The following FAR1 variants were observed in gnomAD, a reference collection of about 807,000 sequenced individuals.
FAR1 encodes fatty acyl-CoA reductase 1.
In FAR1, 22 loss-of-function variants were observed where a neutral mutation model predicts 61.1. The observed-to-expected ratio is 0.36, with a 90% confidence interval of 0.26 to 0.51. FAR1 has a LOEUF of 0.51. Ranked by LOEUF, FAR1 falls within the 20% of genes least tolerant of loss-of-function variation. The pLI is 0.95. For synonymous variants in FAR1, 206 were observed against 209.7 expected (o/e 0.98, Z 0.15); for missense variants, 359 against 626.9 (o/e 0.57, Z 4.56).
At chr11:13,718,721 T>C (rs1374550602) in intron 9 of FAR1, among the ~76,000 whole-genome samples, 1 of 152,104 alleles carries the variant, frequency 6.6e-6, no homozygotes, top group African/African-American at 2.4e-5. Context: ...TATCTGTGGG[T>C]CAGGAATTCT....
At chr11:13,698,858 G>A (rs1365904218) in intron 2 of FAR1, among the ~76,000 whole-genome samples, 3 of 151,880 alleles carry the variant, frequency 2.0e-5, no homozygotes, top group African/African-American at 7.3e-5. Context: ...TTTATCAGTA[G>A]TTCACCATGA....
intron 3 of FAR1, among the ~76,000 whole-genome samples, chr11:13,702,162 G>T (rs968889341): frequency 4.6e-5 from 7 of 152,040 alleles, no homozygotes; most frequent in African/African-American, 1.7e-4. Flanking sequence ...ATGATTCAAA[G>T]GTGACAAAAG....
At chr11:13,716,856 T>G (rs1245567954) in intron 9 of FAR1, among the ~76,000 whole-genome samples, 2 of 152,088 alleles carry the variant, frequency 1.3e-5, no homozygotes, top group African/African-American at 4.8e-5. Context: ...ATTTGTTACA[T>G]ATGTATACTT....
rs995133980 is a variant in FAR1, at chr11:13,720,490, G to A, written c.1128-1240G>A. 6 of 151,998 alleles carry A rather than the reference G, an allele frequency of 3.9e-5. No homozygotes were observed. The East Asian group carries it at 1.2e-3, about 29-fold the overall frequency. 9.4% of individuals were successfully genotyped at this position (151,998 alleles called of 1,614,324 possible). ...TTAGATGCTTGATAATTCGTTTTGT[G>A]TTTGAGATTTTATTTTGAAGTTACT... On this transcript the variant is annotated intron_variant, in intron 9 of 11. Coordinates refer to ENST00000354817, the MANE Select transcript of FAR1 (RefSeq NM_032228.6).
At chr11:13,727,356 G>A (rs1275378381) in intron 10 of FAR1, among the ~76,000 whole-genome samples, 200 bp from the exon 11 acceptor site, 1 of 151,388 alleles carries the variant, frequency 6.6e-6, no homozygotes, top group Non-Finnish European at 1.5e-5. Flanking sequence ...CTTCTCAAAT[G>A]TTTCCATGTT....
intron 3 of FAR1, among the ~76,000 whole-genome samples, chr11:13,705,547 C>T (rs573380176): frequency 2.0e-5 from 3 of 152,240 alleles, no homozygotes; most frequent in African/African-American, 7.2e-5. Context: ...GCTCTTCCTG[C>T]CCCCATTGTT....
rs568892101 is a variant in FAR1, at chr11:13,677,916, A to G, written c.-8+9110A>G. Among the ~76,000 whole-genome samples, 104 of 152,366 alleles carry G rather than the reference A, an allele frequency of 6.8e-4. 1 individual carries two copies. The highest frequency in any genetic ancestry group is 2.4e-3 in the African/African-American group (99 of 41,594). On this transcript the variant is annotated intron_variant, in intron 1 of 11. Coordinates refer to ENST00000354817, the MANE Select transcript of FAR1 (RefSeq NM_032228.6). Reference sequence around the variant, plus strand: ...CCTAGTGATGGAATTGTATCAATATATTCTCTACAGTTATAATAAAATAAC... The same window carrying G: ...CCTAGTGATGGAATTGTATCAATATGTTCTCTACAGTTATAATAAAATAAC...
At chr11:13,716,227 T>C (rs529138862) in intron 9 of FAR1, among the ~76,000 whole-genome samples, 324 of 151,968 alleles carry the variant, frequency 2.1e-3, no homozygotes, top group Non-Finnish European at 3.0e-3. Context: ...ACAGGTTAAA[T>C]ACATCACATT....
At chr11:13,683,871 T>A (rs1200760471) in intron 1 of FAR1, among the ~76,000 whole-genome samples, 1 of 152,258 alleles carries the variant, frequency 6.6e-6, no homozygotes, top group Non-Finnish European at 1.5e-5. Flanking sequence ...TTTCCCTAAA[T>A]AAATGTGTAG....
At chr11:13,708,445 G>GCA (rs1208535632) in intron 4 of FAR1, among the ~76,000 whole-genome samples, 26 of 81,222 alleles carry the variant, frequency 3.2e-4, no homozygotes, top group African/African-American at 6.0e-4. Context: ...GCGCGCGCGC[G>GCA]CGCACACACA....
At chr11:13,701,712 G>A (rs1848377852) in intron 3 of FAR1, among the ~76,000 whole-genome samples, 1 of 152,102 alleles carries the variant, frequency 6.6e-6, no homozygotes, top group South Asian at 2.1e-4. Flanking sequence ...TGAGGGCACT[G>A]TAATAGTTCC....
intron 1 of FAR1, among the ~76,000 whole-genome samples, chr11:13,677,048 G>T (rs1487665150): frequency 6.6e-6 from 1 of 152,100 alleles, no homozygotes; most frequent in Non-Finnish European, 1.5e-5. Flanking sequence ...CTGATTTTTG[G>T]TAAGTCTATT....
At chr11:13,672,608 G>C (rs1303958583) in intron 1 of FAR1, among the ~76,000 whole-genome samples, 1 of 151,742 alleles carries the variant, frequency 6.6e-6, no homozygotes, top group Non-Finnish European at 1.5e-5. Flanking sequence ...CAACTGAAAT[G>C]AGCTAATACT....
chr11:13,700,315 A>C lies in FAR1; in HGVS notation c.190-2A>C. 6.4e-7 allele frequency: 1 copy of C among 1,561,552 alleles called. No individual in the cohort carries two copies. Among genetic ancestry groups the C allele is most frequent in the Non-Finnish European group, 8.6e-7 (1 of 1,161,948 alleles). ...AAAATAAATATTTTTCCCTCTTGAT[A>C]GCTTTTTGACAGATTGAGAGATGAA... On this transcript the variant is annotated splice_acceptor_variant, in intron 2 of 11. Coordinates refer to ENST00000354817, the MANE Select transcript of FAR1 (RefSeq NM_032228.6). LOFTEE classifies it high-confidence loss of function.
chr11:13,719,099 ACTC>A (rs946979790), intron 9 of FAR1, among the ~76,000 whole-genome samples: 4 of 151,974 alleles, frequency 2.6e-5, no homozygotes, highest in Non-Finnish European at 4.4e-5. Flanking sequence ...GTTATTTTCA[ACTC>A]TCATTGAGAA....
chr11:13,690,765 CA>C (rs572820906), intron 1 of FAR1, among the ~76,000 whole-genome samples: 260 of 152,108 alleles, frequency 1.7e-3, no homozygotes, highest in African/African-American at 6.0e-3. Flanking sequence ...ATTAAAAAAA[CA>C]GCGTAGATTT....
chr11:13,689,474 C>T (rs1368646950), intron 1 of FAR1, among the ~76,000 whole-genome samples: 4 of 152,174 alleles, frequency 2.6e-5, no homozygotes, highest in South Asian at 2.1e-4. Context: ...TTTTAGCGAT[C>T]GTTCCTTCAT....
chr11:13,702,444 A>G (rs11022938), intron 3 of FAR1, among the ~76,000 whole-genome samples: 1 of 152,162 alleles, frequency 6.6e-6, no homozygotes, highest in Non-Finnish European at 1.5e-5. Flanking sequence ...ATCAACTAAC[A>G]AATATCCTTA....
intron 5 of FAR1, 26 bp downstream of exon 5, chr11:13,710,896 T>C: frequency 6.3e-7 from 1 of 1,589,138 alleles, no homozygotes; most frequent in South Asian, 1.1e-5. Flanking sequence ...CCTTTATAAA[T>C]AACTGGAGTT....
Sources: allele counts gnomAD v4.1 joint callset (sites outside exome capture counted in the v4.1 genomes callset), GRCh38; gene constraint gnomAD v4.1.1; transcripts MANE v1.5; gene names NCBI Gene and HGNC (gene_info 2026-07-23, HGNC 2026-07-21).